ATP2B2: variants seen among roughly 807,000 people sequenced by gnomAD.
ATP2B2 encodes the protein ATPase plasma membrane Ca2+ transporting 2, also known as plasma membrane calcium-transporting ATPase 2.
ATP2B2 carries 15 observed loss-of-function variants against 120.0 expected under a neutral mutation model. The ratio of observed to expected loss-of-function variants is 0.12; its 90% CI spans 0.08 to 0.19. The LOEUF (loss-of-function observed/expected upper bound fraction) is 0.19, where lower values mean the gene tolerates loss of function less well. Ranked by LOEUF, ATP2B2 falls within the 10% of genes least tolerant of loss-of-function variation. ATP2B2 has a pLI of 1.00. For synonymous variants in ATP2B2, 694 were observed against 700.3 expected (o/e 0.99, Z 0.14); for missense variants, 1,045 against 1,719.8 (o/e 0.61, Z 6.94).
At chr3:10,451,979 A>G (rs2064071530) in intron 1 of ATP2B2, among the ~76,000 whole-genome samples, 1 of 152,264 alleles carries the variant, frequency 6.6e-6, no homozygotes, top group Non-Finnish European at 1.5e-5. Context: ...TTGACCAGAA[A>G]AGCACTTGGC....
At chr3:10,350,807 C>G (rs1188565984) in intron 14 of ATP2B2, among the ~76,000 whole-genome samples, 1 of 152,222 alleles carries the variant, frequency 6.6e-6, no homozygotes, top group Non-Finnish European at 1.5e-5. Context: ...TGATGTGGTT[C>G]TCATCACAGA....
chr3:10,459,337 G>A (rs1163170812), intron 1 of ATP2B2, among the ~76,000 whole-genome samples: 1 of 152,266 alleles, frequency 6.6e-6, no homozygotes, highest in Non-Finnish European at 1.5e-5. Flanking sequence ...AAGATAGCCT[G>A]TTTGAGGCAG....
chr3:10,341,590 C>T (rs1294123330), intron 19 of ATP2B2, among the ~76,000 whole-genome samples: 4 of 152,224 alleles, frequency 2.6e-5, no homozygotes, highest in Non-Finnish European at 5.9e-5. Flanking sequence ...GGATTACAGG[C>T]ATGAGCCACT....
At chr3:10,551,609 T>G (rs917844184) in intron 2 of ATP2B2, among the ~76,000 whole-genome samples, 3 of 152,386 alleles carry the variant, frequency 2.0e-5, no homozygotes, top group East Asian at 1.9e-4. Context: ...AGATAGATTT[T>G]TCTTTCCTTT....
Position 10,360,076 on chromosome 3 carries a change from C to T in ATP2B2, c.1707G>A (p.Thr569=), listed in dbSNP as rs147380435. The part of the protein sequence containing the change: ...GALPRQVGNK[T]ECGLLGFVLD... ...GCACGAAGCCCAGCAGGCCGCACTCCGTCTTGTTGCCCACCTGCCGAGGCA... is the reference window on the plus strand; with the variant it reads ...GCACGAAGCCCAGCAGGCCGCACTCTGTCTTGTTGCCCACCTGCCGAGGCA... Residue 569 remains threonine, a synonymous_variant, in exon 13 of 23, where the codon ACG becomes ACA. Transcript: ENST00000360273. 540 of 1,605,476 alleles carry T rather than the reference C, an allele frequency of 3.4e-4. 1 individual carries two copies. Among genetic ancestry groups the T allele is most frequent in the Non-Finnish European group, 4.1e-4 (477 of 1,173,006 alleles).
rs774351630 is a variant in ATP2B2 at position 10,449,335 on chromosome 3, G to A, written c.199+10C>T. 2.0e-5 allele frequency: 32 copies of A among 1,614,134 alleles called. No individual in the cohort carries two copies. The South Asian group carries it at 3.2e-4, about 16-fold the overall frequency. On this transcript the variant is annotated intron_variant, in intron 2 of 22. Coordinates refer to ENST00000360273, the MANE Select transcript of ATP2B2 (RefSeq NM_001001331.4). Reference sequence around the variant, plus strand: ...GGCTGCAGCCCTGGGTTCAAGTCTTGAACACTTACCTTCAACAGGTGAGGT... The same window carrying A: ...GGCTGCAGCCCTGGGTTCAAGTCTTAAACACTTACCTTCAACAGGTGAGGT...
At chr3:10,689,044 C>A (rs150777592) in intron 1 of ATP2B2, among the ~76,000 whole-genome samples, 3 of 152,254 alleles carry the variant, frequency 2.0e-5, no homozygotes, top group African/African-American at 7.2e-5. Context: ...GAGGGTTTGA[C>A]CAACACAAAG....
At chr3:10,349,588 C>T (rs1407779060) in intron 16 of ATP2B2, among the ~76,000 whole-genome samples, 1 of 152,042 alleles carries the variant, frequency 6.6e-6, no homozygotes, top group African/African-American at 2.4e-5. Context: ...GTGGCTATTC[C>T]CAGGAGAGCG....
At chr3:10,512,464 G>GCGCGCGCTCACACACACACA in intron 3 of ATP2B2, among the ~76,000 whole-genome samples, 1 of 137,026 alleles carries the variant, frequency 7.3e-6, no homozygotes, top group Admixed American at 7.3e-5. Context: ...AAGTGTGTGC[G>GCGCGCGCTCACACACACACA]CACACACACA....
chr3:10,513,579 C>T (rs1012147259), intron 3 of ATP2B2, among the ~76,000 whole-genome samples: 1 of 152,166 alleles, frequency 6.6e-6, no homozygotes, highest in Non-Finnish European at 1.5e-5. Context: ...TCTTGCCTTC[C>T]GCAGGTCCTA....
rs117586759 is a variant in ATP2B2, at chr3:10,514,653, C to T, written c.-320+19386G>A. On this transcript the variant is annotated intron_variant, in intron 3 of 21. Transcript: ENST00000646379. Reference sequence around the variant, plus strand: ...CAGGGCTTGGAGGCAAGTGCTCACTCCAGGGCCGCCTGTTAGCCCCATAAG... The same window carrying T: ...CAGGGCTTGGAGGCAAGTGCTCACTTCAGGGCCGCCTGTTAGCCCCATAAG... Among the ~76,000 whole-genome samples, 153 of 152,350 alleles carry T rather than the reference C, an allele frequency of 1.0e-3. 2 individuals are homozygous for T. The East Asian group carries it at 0.021, about 21-fold the overall frequency.
chr3:10,343,075 G>T lies in ATP2B2; in HGVS notation c.2704-110C>A. 8.7e-7 allele frequency: 1 copy of T among 1,150,724 alleles called. No individual in the cohort carries two copies. Among genetic ancestry groups the T allele is most frequent in the Non-Finnish European group, 1.3e-6 (1 of 790,628 alleles). 71.3% of individuals were successfully genotyped at this position (1,150,724 alleles called of 1,614,324 possible). A position where few individuals can be genotyped will look rare whatever the true frequency, so the allele number is the denominator to read the frequency against. On this transcript the variant is annotated intron_variant, in intron 18 of 22. Coordinates refer to ENST00000360273, the MANE Select transcript of ATP2B2 (RefSeq NM_001001331.4). The surrounding 1 kb of genome is among the most constrained non-coding windows in gnomAD (Gnocchi z 4.2). Reference sequence around the variant, plus strand: ...AGGCTCCTGCTGGAGGCTGGAGTCCGACCTGCCCCTTGGCTCCCCAGCAGG... The same window carrying T: ...AGGCTCCTGCTGGAGGCTGGAGTCCTACCTGCCCCTTGGCTCCCCAGCAGG...
intron 1 of ATP2B2, among the ~76,000 whole-genome samples, chr3:10,451,173 G>A (rs1168143616): frequency 6.6e-6 from 1 of 152,252 alleles, no homozygotes; most frequent in Non-Finnish European, 1.5e-5. Flanking sequence ...CGGAGTGAGA[G>A]TGCTGAGGAG....
rs540447863 is a variant in ATP2B2, at chr3:10,375,535, C to A, written c.1311G>T (p.Val437=). 2.5e-6 allele frequency: 4 copies of A among 1,613,754 alleles called. No individual in the cohort carries two copies. The Admixed American group carries it at 5.0e-5, about 20-fold the overall frequency. The change falls in exon 11 of 23, where the codon GTG becomes GTT. Residue 437 remains valine (V), a synonymous_variant. Transcript: ENST00000360273. The surrounding 1 kb of genome is among the most constrained non-coding windows in gnomAD (Gnocchi z 4.2). ...TGATGAAGAACTTGACAAAGTACTG[C>A]ACGTAGACGGGCGTGCACTCAGGCA... ...PWLPECTPVY[V]QYFVKFFIIG...
chr3:10,386,053 T>A (rs2061668012), intron 7 of ATP2B2, among the ~76,000 whole-genome samples: 1 of 152,148 alleles, frequency 6.6e-6, no homozygotes, highest in African/African-American at 2.4e-5. Context: ...CTCTTTCTTG[T>A]GGGTAGGGAA....
intron 1 of ATP2B2, among the ~76,000 whole-genome samples, chr3:10,628,921 G>C (rs371397169): frequency 6.6e-6 from 1 of 152,194 alleles, no homozygotes; most frequent in African/African-American, 2.4e-5. Flanking sequence ...CTTGTTTTAA[G>C]TATTGTTTGT....
intron 1 of ATP2B2, among the ~76,000 whole-genome samples, chr3:10,630,114 C>T (rs961909903): frequency 6.6e-6 from 1 of 152,062 alleles, no homozygotes; most frequent in African/African-American, 2.4e-5. Context: ...CAGCAGGCAA[C>T]AGTTAAACAC....
At chr3:10,685,990 T>C (rs2071509849) in intron 1 of ATP2B2, among the ~76,000 whole-genome samples, 1 of 151,958 alleles carries the variant, frequency 6.6e-6, no homozygotes, top group African/African-American at 2.4e-5. Context: ...AGCTGCAAAA[T>C]GCTTATTCCA....
At chr3:10,408,171 G>C (rs1028931084) in intron 3 of ATP2B2, among the ~76,000 whole-genome samples, 12 of 152,318 alleles carry the variant, frequency 7.9e-5, no homozygotes, top group African/African-American at 2.4e-4. Flanking sequence ...GGGTGTGAGG[G>C]TTCACTGAGA....
Sources: gnomAD v4.1 joint callset for allele counts (sites outside exome capture counted in the v4.1 genomes callset) on GRCh38, gnomAD v4.1.1 for gene constraint, Gnocchi (gnomAD v3.1) non-coding constraint, MANE v1.5 for transcripts, NCBI Gene and HGNC (gene_info 2026-07-23, HGNC 2026-07-21) for gene names.